The following OR10J1 variants were observed in gnomAD, a reference collection of about 807,000 sequenced individuals.
The protein encoded by OR10J1 is olfactory receptor 10J1.
For missense variants in OR10J1, 474 were observed against 376.6 expected (o/e 1.26, Z -2.14); for synonymous variants, 202 against 143.8 (o/e 1.40, Z -2.89).
the OR10J1 span, among the ~76,000 whole-genome samples, chr1:159,424,130 C>T: frequency 1.3e-5 from 2 of 151,212 alleles, no homozygotes; most frequent in African/African-American, 4.9e-5. Context: ...GCAGGAGAAT[C>T]GCTTGAATCC....
At chr1:159,409,908 G>C in the OR10J1 span, among the ~76,000 whole-genome samples, 1 of 152,118 alleles carries the variant, frequency 6.6e-6, no homozygotes, top group African/African-American at 2.4e-5. Flanking sequence ...TTAGCATGAA[G>C]GGTTGTTGAA....
chr1:159,440,176 C>T lies in OR10J1; in HGVS notation c.385C>T (p.Pro129Ser). Residue 129 changes from proline to serine, a missense_variant, in exon 1 of 1, where the codon CCC becomes TCC. Physicochemically the swap from Pro to Ser is moderately conservative, Grantham distance 74 (BLOSUM62 -1). Transcript: ENST00000423932. Reference protein sequence around the residue: ...GYDRYVAICNPLRYMVIMNKR... With the variant: ...GYDRYVAICNSLRYMVIMNKR... ...TGACCGCTATGTGGCCATCTGCAAC[C>T]CCCTGAGATACATGGTTATTATGAA... The T allele has an allele frequency of 6.2e-7, 1 of 1,614,116 alleles. No homozygotes were observed. The highest frequency in any genetic ancestry group is 8.5e-7 in the Non-Finnish European group (1 of 1,180,018).
chr1:159,399,839 A>G, the OR10J1 span, among the ~76,000 whole-genome samples: 1 of 152,136 alleles, frequency 6.6e-6, no homozygotes, highest in African/African-American at 2.4e-5. Flanking sequence ...ACAATAAGAT[A>G]TAAATAGAAA....
upstream of OR10J1, among the ~76,000 whole-genome samples, chr1:159,435,232 C>T (rs1234807736): frequency 2.6e-5 from 4 of 152,110 alleles, no homozygotes; most frequent in East Asian, 3.9e-4. Flanking sequence ...TCCAGATTCC[C>T]TTTATTTATG....
chr1:159,421,968 T>C, the OR10J1 span, among the ~76,000 whole-genome samples: 1 of 152,074 alleles, frequency 6.6e-6, no homozygotes, highest in Admixed American at 6.5e-5. Flanking sequence ...ACAGTAATAG[T>C]GGCAGGACAA....
chr1:159,421,875 G>A, the OR10J1 span, among the ~76,000 whole-genome samples: 1 of 152,106 alleles, frequency 6.6e-6, no homozygotes, highest in Non-Finnish European at 1.5e-5. Flanking sequence ...TGGGGCTCCA[G>A]GTGACTTGCT....
At position 159,440,905 on chromosome 1, in the gene OR10J1, C is replaced by T. The variant is rs1331848456; in HGVS notation, c.*184C>T. ...AAAGTTACTGGATGGAGTGTTATCC[C>T]TATTTTTGGGGATAAATAGACAAAC... On this transcript the variant is annotated 3_prime_UTR_variant, in exon 1 of 1. Coordinates refer to ENST00000423932, the MANE Select transcript of OR10J1 (RefSeq NM_012351.3). The T allele has an allele frequency of 2.7e-5, 16 of 582,304 alleles. No homozygotes were observed. The highest frequency in any genetic ancestry group is 4.0e-5 in the Non-Finnish European group (14 of 350,656). 36.1% of individuals were successfully genotyped at this position (582,304 alleles called of 1,614,324 possible).
the OR10J1 span, among the ~76,000 whole-genome samples, chr1:159,421,515 CT>C: frequency 6.6e-6 from 1 of 152,138 alleles, no homozygotes; most frequent in Non-Finnish European, 1.5e-5. Flanking sequence ...GCAATAGTTG[CT>C]TTTTCCAATT....
chr1:159,440,593 G>A lies in OR10J1; in HGVS notation c.802G>A (p.Glu268Lys). The A allele has an allele frequency of 6.2e-7, 1 of 1,613,496 alleles. No individual in the cohort carries two copies. The highest frequency in any genetic ancestry group is 1.1e-5 in the South Asian group (1 of 91,022). ...YLKPKSENTR[E>K]HDQLISVTYT... is the part of the protein sequence containing the mutation. ...CAAGCCCAAGTCAGAGAACACCAGAGAACATGACCAGCTGATCTCGGTGAC... is the reference window on the plus strand; with the variant it reads ...CAAGCCCAAGTCAGAGAACACCAGAAAACATGACCAGCTGATCTCGGTGAC... Residue 268 changes from glutamate to lysine, a missense_variant, in exon 1 of 1, where the codon GAA becomes AAA. Transcript: ENST00000423932.
At chr1:159,419,856 G>T in the OR10J1 span, among the ~76,000 whole-genome samples, 6 of 152,128 alleles carry the variant, frequency 3.9e-5, no homozygotes, top group Non-Finnish European at 7.4e-5. Context: ...GGTTAAATAT[G>T]CAACTTAAAT....
the OR10J1 span, among the ~76,000 whole-genome samples, chr1:159,404,155 C>CA: frequency 6.6e-6 from 1 of 151,610 alleles, no homozygotes; most frequent in Non-Finnish European, 1.5e-5. Context: ...AAATGGGTAT[C>CA]AAAAAATATA....
chr1:159,402,732 A>T, the OR10J1 span, among the ~76,000 whole-genome samples: 69 of 152,208 alleles, frequency 4.5e-4, 1 homozygote, highest in Middle Eastern at 6.8e-3. Flanking sequence ...AATACCAATG[A>T]TATTCTCCAC....
the OR10J1 span, among the ~76,000 whole-genome samples, chr1:159,424,131 G>T: frequency 4.0e-5 from 6 of 151,384 alleles, no homozygotes; most frequent in African/African-American, 7.3e-5. Flanking sequence ...CAGGAGAATC[G>T]CTTGAATCCA....
At chr1:159,423,410 G>C in the OR10J1 span, among the ~76,000 whole-genome samples, 1 of 152,160 alleles carries the variant, frequency 6.6e-6, no homozygotes. Flanking sequence ...AAAGATATTT[G>C]TATAGGGAAC....
At chr1:159,422,811 G>A in the OR10J1 span, among the ~76,000 whole-genome samples, 3 of 152,012 alleles carry the variant, frequency 2.0e-5, no homozygotes, top group Non-Finnish European at 4.4e-5. Context: ...AGGAGTCTTG[G>A]GTGAAAATGA....
the OR10J1 span, chr1:159,432,307 T>C: frequency 1.0e-5 from 4 of 401,124 alleles, no homozygotes; most frequent in African/African-American, 8.2e-5. Flanking sequence ...TTTTTGGTCT[T>C]GTACGTTTTG....
At chr1:159,424,921 G>A in the OR10J1 span, among the ~76,000 whole-genome samples, 4,569 of 152,146 alleles carry the variant, frequency 0.03, 242 homozygotes, top group African/African-American at 0.11. Context: ...GTACCATCAT[G>A]TCACATCAAA....
chr1:159,438,213 A>G (rs1017886669), upstream of OR10J1, among the ~76,000 whole-genome samples: 1 of 152,112 alleles, frequency 6.6e-6, no homozygotes, highest in African/African-American at 2.4e-5. Context: ...AGTGGGGAGG[A>G]TGCTAACCAA....
chr1:159,428,051 T>A, the OR10J1 span, among the ~76,000 whole-genome samples: 35 of 152,242 alleles, frequency 2.3e-4, 1 homozygote, highest in East Asian at 6.2e-3. Flanking sequence ...CTTCCTTATA[T>A]CTGCCAGAGA....
Sources: gnomAD v4.1 joint callset for allele counts (sites outside exome capture counted in the v4.1 genomes callset) on GRCh38, gnomAD v4.1.1 for gene constraint, MANE v1.5 for transcripts, NCBI Gene and HGNC (gene_info 2026-07-23, HGNC 2026-07-21) for gene names.